Variants in SIM2 observed in about 807,000 individuals in gnomAD.
SIM2 encodes SIM bHLH transcription factor 2.
SIM2 carries 28 observed loss-of-function variants against 64.8 expected under a neutral mutation model. The observed-to-expected ratio is 0.43, with a 90% CI of 0.32 to 0.59. The LOEUF is 0.59. SIM2 is among the 20% of genes least tolerant of loss of function. The pLI, the probability that SIM2 is intolerant of heterozygous loss-of-function variation, is 0.07. For missense variants in SIM2, 847 were observed against 871.4 expected (o/e 0.97, Z 0.35); for synonymous variants, 408 against 391.1 (o/e 1.04, Z -0.51).
intron 1 of SIM2, chr21:36,701,341 C>T (rs1211934870): frequency 6.6e-6 from 1 of 152,588 alleles, no homozygotes; most frequent in Non-Finnish European, 1.5e-5. Context: ...TTTGCGTTCG[C>T]CTCTGCCAAG....
intron 3 of SIM2, 124 bp from the exon 4 acceptor site, chr21:36,719,697 G>A (rs1241270746): frequency 1.5e-6 from 1 of 667,812 alleles, no homozygotes; most frequent in African/African-American, 1.8e-5. Context: ...GCAAAGGTGT[G>A]GGTTGTCAGC....
chr21:36,711,201 T>C (rs962788594), intron 2 of SIM2, among the ~76,000 whole-genome samples: 2 of 152,354 alleles, frequency 1.3e-5, no homozygotes, highest in South Asian at 2.1e-4. Flanking sequence ...TTTTCCTCAT[T>C]ATCCCAGATA....
chr21:36,715,031 G>C (rs2123440545), intron 3 of SIM2, among the ~76,000 whole-genome samples: 1 of 152,316 alleles, frequency 6.6e-6, no homozygotes, highest in Non-Finnish European at 1.5e-5. Flanking sequence ...TCCAGTAGAA[G>C]TGATAGTTTC....
chr21:36,743,319 T>C (rs910910051), intron 8 of SIM2, 68 bp from the exon 9 acceptor site: 10 of 1,431,934 alleles, frequency 7.0e-6, no homozygotes, highest in Admixed American at 2.0e-5. Context: ...GCCCAAGGGC[T>C]GGGGCCAGGG....
chr21:36,731,303 C>T (rs552319378), intron 7 of SIM2, 152 bp downstream of exon 7: 13 of 602,642 alleles, frequency 2.2e-5, no homozygotes, highest in Admixed American at 1.6e-4. Context: ...TCCTCCACCC[C>T]GTGATTAAGT....
chr21:36,712,538 G>T lies in SIM2; in HGVS notation c.264G>T (p.Leu88Phe). Reference protein sequence around the residue: ...KELGSHLLQTLDGFVFVVASD... With the variant: ...KELGSHLLQTFDGFVFVVASD... ...TGACACTTTATCTTTTACAGACTTT[G>T]GATGGATTTGTTTTTGTGGTAGCAT... The change falls in exon 3 of 11, where the codon TTG (leucine) becomes TTT (phenylalanine). Residue 88 changes from leucine (L) to phenylalanine (F), a missense_variant. Physicochemically the swap from Leu to Phe is conservative, Grantham distance 22. Coordinates refer to ENST00000290399, the MANE Select transcript of SIM2 (RefSeq NM_005069.6). The T allele has an allele frequency of 6.2e-7, 1 of 1,606,734 alleles. No individual in the cohort carries two copies. Among genetic ancestry groups the T allele is most frequent in the South Asian group, 1.1e-5 (1 of 90,846 alleles).
At chr21:36,720,205 G>A (rs369592899) in intron 4 of SIM2, 15 of 384,270 alleles carry the variant, frequency 3.9e-5, no homozygotes, top group South Asian at 1.1e-4. Context: ...TGCTCCCCTC[G>A]TGCTCTTGGG....
chr21:36,737,258 C>T (rs762952635), intron 7 of SIM2, among the ~76,000 whole-genome samples: 1 of 152,324 alleles, frequency 6.6e-6, no homozygotes, highest in East Asian at 1.9e-4. Context: ...AAAGTGAACA[C>T]GGGATCATCA....
At chr21:36,723,898 C>T (rs184122777) in intron 5 of SIM2, among the ~76,000 whole-genome samples, 73 of 152,348 alleles carry the variant, frequency 4.8e-4, no homozygotes, top group African/African-American at 1.6e-3. Context: ...CCCCCGCCAA[C>T]ACTTTTGTCC....
At chr21:36,738,039 G>C (rs60866168) in intron 7 of SIM2, among the ~76,000 whole-genome samples, 4,862 of 146,748 alleles carry the variant, frequency 0.033, 249 homozygotes, top group African/African-American at 0.11. Context: ...GGCTTGAATA[G>C]ATTTTGAGGT....
intron 4 of SIM2, among the ~76,000 whole-genome samples, chr21:36,721,883 T>C (rs753106464): frequency 8.5e-5 from 13 of 152,216 alleles, no homozygotes; most frequent in Non-Finnish European, 1.5e-4. Flanking sequence ...GACCCTTTCA[T>C]GCCCTGTTTC....
At chr21:36,716,122 G>A (rs1409702728) in intron 3 of SIM2, among the ~76,000 whole-genome samples, 1 of 152,226 alleles carries the variant, frequency 6.6e-6, no homozygotes, top group African/African-American at 2.4e-5. Context: ...TTCTATCTAC[G>A]TGGATGAGGT....
intron 7 of SIM2, 115 bp downstream of exon 7, chr21:36,731,266 C>G (rs1471325566): frequency 2.0e-5 from 14 of 693,262 alleles, no homozygotes; most frequent in Non-Finnish European, 3.4e-5. Context: ...ATGATACACA[C>G]TTGAATCTCA....
At chr21:36,717,521 T>C (rs572559326) in intron 3 of SIM2, among the ~76,000 whole-genome samples, 30 of 151,602 alleles carry the variant, frequency 2.0e-4, no homozygotes, top group African/African-American at 6.8e-4. Flanking sequence ...GATGTCGGCT[T>C]ACTGCAAACT....
chr21:36,727,715 G>C lies in SIM2; in HGVS notation c.743+1397G>C, dbSNP rs187513985. On this transcript the variant is annotated intron_variant, in intron 6 of 10. Transcript: ENST00000290399. ...TGTGTGTGTGCGATGAGTCTTTGGC[G>C]GGGGGAGGAGAGATACATTTTGCTT... Among the ~76,000 whole-genome samples, 407 of 152,264 alleles carry C rather than the reference G, an allele frequency of 2.7e-3. 2 individuals are homozygous for C. The highest frequency in any genetic ancestry group is 9.0e-3 in the African/African-American group (374 of 41,552).
chr21:36,715,370 C>T (rs1002153276), intron 3 of SIM2, among the ~76,000 whole-genome samples: 3 of 152,040 alleles, frequency 2.0e-5, no homozygotes, highest in Non-Finnish European at 4.4e-5. Flanking sequence ...AACATTTTTG[C>T]ACCTTTTAGA....
In SIM2 at chr21:36,748,025, C is replaced by T; in HGVS notation, c.1937C>T (p.Thr646Ile). Residue 646 changes from threonine to isoleucine, a missense_variant, in exon 11 of 11, where the codon ACC becomes ATC. Coordinates refer to ENST00000290399, the MANE Select transcript of SIM2 (RefSeq NM_005069.6). ...CTCCGGCACCCGAGCCCCGCCGCCA[C>T]CTCCCCGCCCGGCGCGCCCCTGCCG... is the stretch of plus-strand genomic sequence containing the variant. ...LRLRHPSPAATSPPGAPLPHY... is the reference protein window; with the variant it reads ...LRLRHPSPAAISPPGAPLPHY... 1 of 1,178,700 alleles carries T rather than the reference C, an allele frequency of 8.5e-7. No homozygotes were observed. Among genetic ancestry groups the T allele is most frequent in the Non-Finnish European group, 1.0e-6 (1 of 954,692 alleles). The allele number at this position is 1,178,700 out of a possible 1,614,324, so 73.0% of individuals were successfully genotyped here.
At chr21:36,744,311 C>CCAA (rs1555877734) in intron 9 of SIM2, among the ~76,000 whole-genome samples, 1 of 41,768 alleles carries the variant, frequency 2.4e-5, no homozygotes, top group African/African-American at 6.3e-5. Context: ...CACATTATGA[C>CCAA]AAAAAAAAAA....
intron 1 of SIM2, among the ~76,000 whole-genome samples, chr21:36,700,694 G>T (rs2088479318): frequency 6.6e-6 from 1 of 152,244 alleles, no homozygotes; most frequent in Admixed American, 6.5e-5. Context: ...CACTTGTGCT[G>T]AGCCGGGCCC....
Sources: allele counts gnomAD v4.1 joint callset (sites outside exome capture counted in the v4.1 genomes callset), GRCh38; gene constraint gnomAD v4.1.1; transcripts MANE v1.5; gene names NCBI Gene and HGNC (gene_info 2026-07-23, HGNC 2026-07-21).